Variants in VPS37A observed in about 807,000 individuals in gnomAD.
The protein encoded by VPS37A is VPS37A subunit of ESCRT-I.
In VPS37A, 30 loss-of-function variants were observed where a neutral mutation model predicts 49.8. The ratio of observed to expected loss-of-function variants is 0.60; its 90% CI spans 0.45 to 0.82. The LOEUF is 0.82. VPS37A is among the 40% of genes least tolerant of loss of function. The probability of loss-of-function intolerance (pLI) is 0.00; values close to 1 mark genes in which losing one functional copy is unlikely to be tolerated. For synonymous variants in VPS37A, 195 were observed against 160.6 expected (o/e 1.21, Z -1.62); for missense variants, 593 against 464.4 (o/e 1.28, Z -2.55).
chr8:17,333,218 TAA>T, the VPS37A span, among the ~76,000 whole-genome samples: 2 of 152,160 alleles, frequency 1.3e-5, no homozygotes, highest in Admixed American at 1.3e-4. Flanking sequence ...GCTACGAGAA[TAA>T]AGAGTTTGGC....
At chr8:17,309,303 A>T in the VPS37A span, 2 of 1,566,968 alleles carry the variant, frequency 1.3e-6, no homozygotes, top group Non-Finnish European at 1.8e-6. Flanking sequence ...GACCAAAGGA[A>T]ATCCAGTCCT....
the VPS37A span, among the ~76,000 whole-genome samples, chr8:17,319,654 G>C: frequency 6.6e-6 from 1 of 152,250 alleles, no homozygotes; most frequent in African/African-American, 2.4e-5. Context: ...CAATCATTCT[G>C]AGGAAGGCAC....
At chr8:17,306,368 G>T (rs938642772), downstream of VPS37A, among the ~76,000 whole-genome samples, 4 of 151,794 alleles carry the variant, frequency 2.6e-5, no homozygotes, top group Admixed American at 2.6e-4. Flanking sequence ...TTGTTGGGAA[G>T]GGATGAGGAA....
At chr8:17,304,325 G>C, downstream of VPS37A, 1 of 1,583,012 alleles carries the variant, frequency 6.3e-7, no homozygotes, top group Non-Finnish European at 8.7e-7. Flanking sequence ...ATGTTAAACG[G>C]TACCAGAATC....
intron 1 of VPS37A, among the ~76,000 whole-genome samples, chr8:17,262,253 A>G (rs568051238): frequency 1.3e-5 from 2 of 152,148 alleles, no homozygotes; most frequent in East Asian, 1.9e-4. Context: ...TTAGTGTTAC[A>G]TATTTGTTGT....
intron 10 of VPS37A, among the ~76,000 whole-genome samples, chr8:17,285,039 CTGA>C (rs1815453810): frequency 6.6e-6 from 1 of 151,428 alleles, no homozygotes; most frequent in Admixed American, 6.6e-5. Flanking sequence ...AAACTTTGTG[CTGA>C]TCTGGAAAAA....
At position 17,295,601 on chromosome 8, in the gene VPS37A, A is replaced by C. The variant is rs1816561156; in HGVS notation, c.*615A>C. The C allele has an allele frequency of 1.3e-5, 2 of 152,590 alleles. No homozygotes were observed. Among genetic ancestry groups the C allele is most frequent in the African/African-American group, 2.4e-5 (1 of 41,458 alleles). 9.5% of individuals were successfully genotyped at this position (152,590 alleles called of 1,614,324 possible). ...GTTTCATTTTTAAAACTAAAGATGC[A>C]TTTAAGAAGCAATACAAGTAAATAT... On this transcript the variant is annotated 3_prime_UTR_variant, in exon 12 of 12. Transcript: ENST00000324849.
chr8:17,248,222 T>C, intron 1 of VPS37A: 2 of 424,724 alleles, frequency 4.7e-6, no homozygotes, highest in Non-Finnish European at 9.2e-6. Context: ...TTTCACACTA[T>C]TTTAAATAAA....
intron 1 of VPS37A, among the ~76,000 whole-genome samples, chr8:17,257,694 G>A (rs1179920394): frequency 6.6e-6 from 1 of 152,128 alleles, no homozygotes; most frequent in Non-Finnish European, 1.5e-5. Flanking sequence ...TATTTTGCTA[G>A]GGATTGCTCC....
chr8:17,323,815 C>G, the VPS37A span, among the ~76,000 whole-genome samples: 1 of 152,166 alleles, frequency 6.6e-6, no homozygotes, highest in Non-Finnish European at 1.5e-5. Context: ...TTAGCCACAA[C>G]TGTCTTGAGT....
At chr8:17,276,677 G>C (rs1814545414) in intron 6 of VPS37A, among the ~76,000 whole-genome samples, 1 of 151,978 alleles carries the variant, frequency 6.6e-6, no homozygotes, top group African/African-American at 2.4e-5. Context: ...ATTTTTATAG[G>C]ATTTTTATAA....
At chr8:17,267,682 A>G (rs1008993415) in intron 2 of VPS37A, among the ~76,000 whole-genome samples, 1 of 152,140 alleles carries the variant, frequency 6.6e-6, no homozygotes, top group Non-Finnish European at 1.5e-5. Context: ...ACAGCATGTT[A>G]TTTATTTTTA....
Position 17,247,195 on chromosome 8 carries a change from A to C in VPS37A, c.-50A>C. The C allele has an allele frequency of 2.6e-6, 4 of 1,554,454 alleles. No homozygotes were observed. Among genetic ancestry groups the C allele is most frequent in the Non-Finnish European group, 3.5e-6 (4 of 1,149,254 alleles). ...AGAACCGCCGGGCCGAGCCACTGGG[A>C]GAAGCAGGCCAGAGCCTTCCAGGGC... On this transcript the variant is annotated 5_prime_UTR_variant, in exon 1 of 12. Transcript: ENST00000324849.
chr8:17,329,486 CAT>C, the VPS37A span, among the ~76,000 whole-genome samples: 91 of 152,242 alleles, frequency 6.0e-4, no homozygotes, highest in African/African-American at 1.7e-3. Flanking sequence ...AGACCACAGG[CAT>C]AAGGGCAGGA....
chr8:17,279,175 G>A (rs1814797235), intron 6 of VPS37A, among the ~76,000 whole-genome samples: 1 of 152,076 alleles, frequency 6.6e-6, no homozygotes, highest in Non-Finnish European at 1.5e-5. Flanking sequence ...CTGCTTATGT[G>A]CCGTGTCTTA....
the VPS37A span, among the ~76,000 whole-genome samples, chr8:17,321,544 T>C: frequency 1.3e-5 from 2 of 152,236 alleles, no homozygotes; most frequent in Non-Finnish European, 1.5e-5. Flanking sequence ...AGATGATTAA[T>C]AGACATGGGC....
the VPS37A span, among the ~76,000 whole-genome samples, chr8:17,318,915 T>A: frequency 1.3e-5 from 2 of 152,164 alleles, no homozygotes; most frequent in African/African-American, 4.8e-5. Flanking sequence ...CCCTCACATC[T>A]CCAACGTCTC....
chr8:17,300,769 C>T (rs1217073609), downstream of VPS37A, among the ~76,000 whole-genome samples: 1 of 152,202 alleles, frequency 6.6e-6, no homozygotes, highest in Admixed American at 6.5e-5. Flanking sequence ...CAGTCATTTC[C>T]CATTCCTATC....
the VPS37A span, among the ~76,000 whole-genome samples, chr8:17,308,011 C>T: frequency 6.6e-6 from 1 of 151,532 alleles, no homozygotes; most frequent in Non-Finnish European, 1.5e-5. Flanking sequence ...ACGTTGTGCA[C>T]ATGTACCCTA....
Sources: allele counts gnomAD v4.1 joint callset (sites outside exome capture counted in the v4.1 genomes callset), GRCh38; gene constraint gnomAD v4.1.1; transcripts MANE v1.5; gene names NCBI Gene and HGNC (gene_info 2026-07-23, HGNC 2026-07-21).